UPP2: variants seen among roughly 807,000 people sequenced by gnomAD.
The protein encoded by UPP2 is uridine phosphorylase 2, also known as UPase 2.
A neutral mutation model predicts 26.7 loss-of-function variants in UPP2; 23 were observed. The observed-to-expected ratio is 0.86, with a 90% CI of 0.62 to 1.22. The LOEUF is 1.22. Among genes scored for constraint, UPP2 ranks in the 50% most tolerant of loss-of-function variants. The probability of loss-of-function intolerance (pLI) is 0.00; values close to 1 mark genes in which losing one functional copy is unlikely to be tolerated. For missense variants in UPP2, 387 were observed against 396.7 expected (o/e 0.98, Z 0.21); for synonymous variants, 127 against 141.3 (o/e 0.90, Z 0.72).
intron 4 of UPP2, among the ~76,000 whole-genome samples, chr2:158,118,212 GAT>G (rs1683483224): frequency 6.6e-6 from 1 of 151,872 alleles, no homozygotes; most frequent in Admixed American, 6.6e-5. Flanking sequence ...ATTGTTAGAA[GAT>G]ATGTTTTGAG....
chr2:158,065,962 C>A (rs1173120094), intron 3 of UPP2: 2 of 445,072 alleles, frequency 4.5e-6, no homozygotes, highest in Non-Finnish European at 8.3e-6. Flanking sequence ...CAGTATGGAG[C>A]TTTTAACAGC....
chr2:158,031,436 G>A (rs1352172287), intron 3 of UPP2, among the ~76,000 whole-genome samples: 1 of 152,156 alleles, frequency 6.6e-6, no homozygotes, highest in Admixed American at 6.5e-5. Context: ...TACATTTGAT[G>A]ATTTCATTCT....
intron 2 of UPP2, among the ~76,000 whole-genome samples, chr2:158,009,115 AGGACAGTACCCTTTAATTTT>A (rs1683537480): frequency 6.6e-6 from 1 of 152,206 alleles, no homozygotes; most frequent in African/African-American, 2.4e-5. Context: ...AAGAAATTAT[AGGACAGTACCCTTTAATTTT>A]GGATTTAATT....
chr2:157,996,400 T>G (rs946532605), intron 2 of UPP2, among the ~76,000 whole-genome samples: 1 of 152,208 alleles, frequency 6.6e-6, no homozygotes, highest in African/African-American at 2.4e-5. Flanking sequence ...TCCCTAGAAC[T>G]TGTTTACTCC....
chr2:158,123,989 TA>T (rs1683634378), intron 6 of UPP2, 94 bp downstream of exon 6: 1 of 1,389,682 alleles, frequency 7.2e-7, no homozygotes, highest in South Asian at 1.4e-5. Context: ...AGCTATATAT[TA>T]CCTTGGGCTG....
At chr2:158,115,338 T>C (rs1220386175) in intron 3 of UPP2, 79 bp downstream of exon 3, 1 of 1,467,752 alleles carries the variant, frequency 6.8e-7, no homozygotes, top group Non-Finnish European at 9.0e-7. Flanking sequence ...TAGGAGTTCT[T>C]TTTCCCTCCA....
Position 158,115,085 on chromosome 2 carries a change from T to G in UPP2, c.181-16T>G. 1 of 1,585,708 alleles carries G rather than the reference T, an allele frequency of 6.3e-7. No individual in the cohort carries two copies. The highest frequency in any genetic ancestry group is 1.4e-5 in the African/African-American group (1 of 73,198). On this transcript the variant is annotated splice_polypyrimidine_tract_variant and intron_variant, in intron 2 of 6. Coordinates refer to ENST00000005756, the MANE Select transcript of UPP2 (RefSeq NM_173355.4). ...CCCAGTTACTATGGCAGGCCCTTGT[T>G]TATTTTTATTAACAGTTTGTCTGTG...
At chr2:158,128,953 A>G (rs1381746566) in intron 6 of UPP2, among the ~76,000 whole-genome samples, 3 of 152,132 alleles carry the variant, frequency 2.0e-5, no homozygotes, top group Non-Finnish European at 1.5e-5. Flanking sequence ...CTGGAAAATC[A>G]GGTATAAATG....
At chr2:158,123,642 TAGA>T in intron 5 of UPP2, 104 bp from the exon 6 acceptor site, 2 of 1,322,236 alleles carry the variant, frequency 1.5e-6, no homozygotes, top group Non-Finnish European at 2.1e-6. Flanking sequence ...GAGCACGCTG[TAGA>T]GTTAGACAGC....
intron 2 of UPP2, 109 bp downstream of exon 2, chr2:158,106,325 G>A: frequency 1.2e-6 from 1 of 838,988 alleles, no homozygotes; most frequent in Non-Finnish European, 1.9e-6. Flanking sequence ...GTCCCAATAG[G>A]AACTGAAGTC....
Position 158,115,113 on chromosome 2 carries a change from G to A in UPP2, c.193G>A (p.Gly65Ser), listed in dbSNP as rs768718649. 12 of 1,605,364 alleles carry A rather than the reference G, an allele frequency of 7.5e-6. No homozygotes were observed. The East Asian group carries it at 1.1e-4, about 15-fold the overall frequency. The change falls in exon 3 of 7, where the codon GGT (glycine) becomes AGT (serine). Residue 65 changes from glycine to serine, a missense_variant. By Grantham distance (56) the Gly-to-Ser change is moderately conservative (BLOSUM62 0). Coordinates refer to ENST00000005756, the MANE Select transcript of UPP2 (RefSeq NM_173355.4). ...MFGDVKFVCV[G>S]GSPNRMKAFA... ...TTTTTATTAACAGTTTGTCTGTGTCGGTGGGAGCCCCAACAGAATGAAAGC... is the reference window on the plus strand; with the variant it reads ...TTTTTATTAACAGTTTGTCTGTGTCAGTGGGAGCCCCAACAGAATGAAAGC...
intron 3 of UPP2, among the ~76,000 whole-genome samples, chr2:158,093,111 G>A (rs948683942): frequency 6.6e-6 from 1 of 152,004 alleles, no homozygotes; most frequent in African/African-American, 2.4e-5. Flanking sequence ...AGTAGAAATG[G>A]GGTTTCACCA....
intron 2 of UPP2, among the ~76,000 whole-genome samples, chr2:158,005,392 A>G (rs1486674756): frequency 6.6e-6 from 1 of 152,168 alleles, no homozygotes; most frequent in African/African-American, 2.4e-5. Flanking sequence ...GACTTCATTT[A>G]TATTGTAAAG....
chr2:158,024,936 T>C (rs1471205717), intron 3 of UPP2, among the ~76,000 whole-genome samples: 1 of 152,148 alleles, frequency 6.6e-6, no homozygotes, highest in African/African-American at 2.4e-5. Flanking sequence ...GTGCAGTGGC[T>C]CACACCTGTA....
In UPP2 at chr2:158,065,806, T is replaced by C. The variant is rs553825044; in HGVS notation, c.148-36234T>C. Reference sequence around the variant, plus strand: ...CAGATTGATGACTGGTTAAGTCTTGTGAAAATTAAGTTTCATAAAGAACCT... The same window carrying C: ...CAGATTGATGACTGGTTAAGTCTTGCGAAAATTAAGTTTCATAAAGAACCT... On this transcript the variant is annotated intron_variant, in intron 3 of 9. Coordinates refer to the UPP2 transcript ENST00000605860. 6 of 701,236 alleles carry C rather than the reference T, an allele frequency of 8.6e-6. No homozygotes were observed. In the Admixed American group the frequency reaches 1.0e-4, roughly 12 times the overall value. The allele number at this position is 701,236 out of a possible 1,614,324, so 43.4% of individuals were successfully genotyped here.
intron 4 of UPP2, 36 bp from the exon 5 acceptor site, chr2:158,121,373 G>A (rs1347577884): frequency 1.7e-5 from 27 of 1,576,262 alleles, no homozygotes; most frequent in Admixed American, 8.3e-5. Flanking sequence ...AACTCTAAAC[G>A]ATATTCTTCT....
intron 2 of UPP2, among the ~76,000 whole-genome samples, chr2:158,011,641 CAAGTTTTCACACAGAACA>C (rs2105141468): frequency 7.2e-6 from 1 of 139,172 alleles, no homozygotes; most frequent in East Asian, 2.5e-4. Context: ...GTGAAAAGAT[CAAGTTTTCACACAGAACA>C]CTTGTCTGGA....
At chr2:158,090,055 T>G (rs919607485) in intron 3 of UPP2, among the ~76,000 whole-genome samples, 3 of 152,172 alleles carry the variant, frequency 2.0e-5, no homozygotes, top group Admixed American at 6.5e-5. Flanking sequence ...ATAGCGTAAC[T>G]GAGTGACTAC....
intron 3 of UPP2, among the ~76,000 whole-genome samples, chr2:158,038,394 C>A (rs1352084313): frequency 6.6e-6 from 1 of 152,198 alleles, no homozygotes; most frequent in Non-Finnish European, 1.5e-5. Flanking sequence ...AGATTGATAA[C>A]CCCATTTTGA....
Sources: gnomAD v4.1 joint callset for allele counts (sites outside exome capture counted in the v4.1 genomes callset) on GRCh38, gnomAD v4.1.1 for gene constraint, MANE v1.5 for transcripts, NCBI Gene and HGNC (gene_info 2026-07-23, HGNC 2026-07-21) for gene names.